Variants in FSCN1 observed in about 807,000 individuals in gnomAD.
FSCN1 encodes the protein fascin.
In FSCN1, 10 loss-of-function variants were observed where a neutral mutation model predicts 39.7. The observed-to-expected ratio is 0.25, with a 90% confidence interval of 0.16 to 0.43. The LOEUF (loss-of-function observed/expected upper bound fraction) is 0.43. Ranked by LOEUF, FSCN1 falls within the 20% of genes least tolerant of loss-of-function variation. FSCN1 has a pLI of 1.00. For synonymous variants in FSCN1, 322 were observed against 320.0 expected (o/e 1.01, Z -0.07); for missense variants, 525 against 723.8 (o/e 0.73, Z 3.15).
chr7:5,600,378 C>T (rs1313442599), intron 1 of FSCN1, among the ~76,000 whole-genome samples: 1 of 151,990 alleles, frequency 6.6e-6, no homozygotes, highest in Non-Finnish European at 1.5e-5. Context: ...CGTGCCATTG[C>T]ACTCCAGCCC....
At chr7:5,601,393 G>A (rs1282837115) in intron 1 of FSCN1, among the ~76,000 whole-genome samples, 8 of 150,164 alleles carry the variant, frequency 5.3e-5, no homozygotes, top group Admixed American at 4.0e-4. Flanking sequence ...AGTAGAGGCG[G>A]GGTTTCACCA....
At position 5,592,962 on chromosome 7, in the gene FSCN1, C is replaced by A; in HGVS notation, c.26C>A (p.Ala9Glu). The change falls in exon 1 of 5, where the codon GCG becomes GAG. Residue 9 changes from alanine to glutamate, a missense_variant. Ala to Glu is a moderately radical substitution (Grantham distance 107). Transcript: ENST00000382361. This position sits in a 1 kb window ranked among gnomAD's most constrained non-coding sequence, Gnocchi z 5.3. MTANGTAEAVQIQFGLINC... is the reference protein window; with the variant it reads MTANGTAEEVQIQFGLINC... ...ATGACCGCCAACGGCACAGCCGAGG[C>A]GGTGCAGATCCAGTTCGGCCTCATC... 2 of 1,570,470 alleles carry A rather than the reference C, an allele frequency of 1.3e-6. No homozygotes were observed. Among genetic ancestry groups the A allele is most frequent in the Non-Finnish European group, 1.7e-6 (2 of 1,157,600 alleles).
At position 5,602,577 on chromosome 7, in the gene FSCN1, G is replaced by A. The variant is rs1293918026; in HGVS notation, c.833-680G>A. ...TCCATCTGTGTTTCTAAAAAAACGAGGCCATTTTCTTATGTAACCACAACG... is the reference window on the plus strand; with the variant it reads ...TCCATCTGTGTTTCTAAAAAAACGAAGCCATTTTCTTATGTAACCACAACG... On this transcript the variant is annotated intron_variant, in intron 1 of 4. Coordinates refer to ENST00000382361, the MANE Select transcript of FSCN1 (RefSeq NM_003088.4). 5.1e-4 allele frequency among the ~76,000 whole-genome samples: 78 copies of A among 152,132 alleles called. 1 individual carries two copies. Among genetic ancestry groups the A allele is most frequent in the Non-Finnish European group, 1.5e-5 (1 of 68,034 alleles).
At chr7:5,600,810 T>G (rs563911659) in intron 1 of FSCN1, among the ~76,000 whole-genome samples, 4 of 150,272 alleles carry the variant, frequency 2.7e-5, no homozygotes, top group African/African-American at 9.9e-5. Context: ...CCCGCCACCG[T>G]GCCCGGCTAA....
At chr7:5,594,364 G>A (rs575300741) in intron 1 of FSCN1, among the ~76,000 whole-genome samples, 15 of 152,106 alleles carry the variant, frequency 9.9e-5, no homozygotes, top group East Asian at 3.9e-4. Context: ...CCGCTGGTGG[G>A]GGGGGGCGCG....
chr7:5,604,387 G>A (rs1045044449), intron 4 of FSCN1, among the ~76,000 whole-genome samples: 1 of 152,080 alleles, frequency 6.6e-6, no homozygotes, highest in African/African-American at 2.4e-5. Context: ...GTGTGCAGGG[G>A]AGGACGCGCC....
rs1584306417 is a variant in FSCN1 at position 5,606,102 on chromosome 7, ACAGGGTCTGCCCGCTG to A, written c.*631_*646del. 3 of 152,196 alleles carry A rather than the reference ACAGGGTCTGCCCGCTG, an allele frequency of 2.0e-5. No homozygotes were observed. The highest frequency in any genetic ancestry group is 1.3e-4 in the Admixed American group (2 of 15,290). 9.4% of individuals were successfully genotyped at this position (152,196 alleles called of 1,614,324 possible). On this transcript the variant is annotated 3_prime_UTR_variant, in exon 5 of 5. Coordinates refer to ENST00000382361, the MANE Select transcript of FSCN1 (RefSeq NM_003088.4). This position sits in a 1 kb window ranked among gnomAD's most constrained non-coding sequence, Gnocchi z 5.1. ...CCTGGAGCGGCAGGGCGTGACGGCC[ACAGGGTCTGCCCGCTG>A]CACGTTCTGCCAAGGTGGTGGTGGC...
rs563426795 is a variant in FSCN1, at chr7:5,593,920, G to A, written c.832+152G>A. The A allele has an allele frequency of 5.4e-5, 32 of 596,902 alleles. No homozygotes were observed. The African/African-American group carries it at 6.0e-4, about 11-fold the overall frequency. The allele number at this position is 596,902 out of a possible 1,614,324, so 37.0% of individuals were successfully genotyped here. A position where few individuals can be genotyped will look rare whatever the true frequency, so the allele number is the denominator to read the frequency against. ...CCCCGCTAGGCACGCGGGCTACCCC[G>A]CCTGGAGGGGGCGAGGAGTGGGGCT... On this transcript the variant is annotated intron_variant, in intron 1 of 4. Coordinates refer to ENST00000382361, the MANE Select transcript of FSCN1 (RefSeq NM_003088.4).
intron 1 of FSCN1, chr7:5,593,993 T>A (rs1276502343): frequency 3.7e-6 from 2 of 545,954 alleles, no homozygotes; most frequent in Non-Finnish European, 3.2e-6. Context: ...CGGGCTGGGA[T>A]CATGGGCTCC....
chr7:5,600,720 C>T (rs1785810931), intron 1 of FSCN1, among the ~76,000 whole-genome samples: 1 of 151,510 alleles, frequency 6.6e-6, no homozygotes, highest in Admixed American at 6.6e-5. Context: ...GTGGCGCGAT[C>T]TTGGCTCACT....
rs779907181 is a variant in FSCN1 at position 5,603,903 on chromosome 7, C to T, written c.1152C>T (p.Pro384=). Reference sequence around the variant, plus strand: ...TCCTCATGAAGCTCATCAACCGCCCCATCATCGTGTTCCGCGGGGAGCATG... The same window carrying T: ...TCCTCATGAAGCTCATCAACCGCCCTATCATCGTGTTCCGCGGGGAGCATG... ...ELFLMKLINR[P]IIVFRGEHGF... The change falls in exon 4 of 5, where the codon CCC becomes CCT. Residue 384 remains proline, a synonymous_variant. Coordinates refer to ENST00000382361, the MANE Select transcript of FSCN1 (RefSeq NM_003088.4). The surrounding 1 kb of genome is among the most constrained non-coding windows in gnomAD (Gnocchi z 8.5). 3.1e-6 allele frequency: 5 copies of T among 1,614,048 alleles called. No individual in the cohort carries two copies. The highest frequency in any genetic ancestry group is 2.2e-5 in the South Asian group (2 of 91,084).
Position 5,592,882 on chromosome 7 carries a change from G to T in FSCN1, c.-55G>T. Reference sequence around the variant, plus strand: ...ACAAAGGAGCAGGGGCGCCGCCGCAGGGACCCGCCACCCACCTCCCGGGGC... The same window carrying T: ...ACAAAGGAGCAGGGGCGCCGCCGCATGGACCCGCCACCCACCTCCCGGGGC... On this transcript the variant is annotated 5_prime_UTR_variant, in exon 1 of 5. In the 5' UTR this introduces an upstream ATG that the reference lacks. Coordinates refer to ENST00000382361, the MANE Select transcript of FSCN1 (RefSeq NM_003088.4). The surrounding 1 kb of genome is among the most constrained non-coding windows in gnomAD (Gnocchi z 5.3). The T allele has an allele frequency of 8.8e-7, 1 of 1,137,658 alleles. No individual in the cohort carries two copies. Among genetic ancestry groups the T allele is most frequent in the South Asian group, 1.6e-5 (1 of 61,390 alleles). The allele number at this position is 1,137,658 out of a possible 1,614,324, so 70.5% of individuals were successfully genotyped here.
intron 1 of FSCN1, among the ~76,000 whole-genome samples, chr7:5,600,786 A>T (rs1426453382): frequency 1.5e-4 from 22 of 149,640 alleles, no homozygotes; most frequent in East Asian, 1.2e-3. Context: ...CCCGAGTAGC[A>T]GGGACTACAG....
intron 1 of FSCN1, among the ~76,000 whole-genome samples, chr7:5,601,955 ATT>A (rs71701752): frequency 0.15 from 21,318 of 144,670 alleles, 1,498 homozygotes; most frequent in South Asian, 0.18. Flanking sequence ...TTAAAAAAAA[ATT>A]TTTTTTTTTT....
chr7:5,592,905 G>A lies in FSCN1; in HGVS notation c.-32G>A, dbSNP rs1381980599. 5.8e-6 allele frequency: 8 copies of A among 1,379,234 alleles called. No individual in the cohort carries two copies. Among genetic ancestry groups the A allele is most frequent in the Admixed American group, 5.7e-5 (2 of 35,292 alleles). The allele number at this position is 1,379,234 out of a possible 1,614,324, so 85.4% of individuals were successfully genotyped here. On this transcript the variant is annotated 5_prime_UTR_variant, in exon 1 of 5. Coordinates refer to ENST00000382361, the MANE Select transcript of FSCN1 (RefSeq NM_003088.4). This position sits in a 1 kb window ranked among gnomAD's most constrained non-coding sequence, Gnocchi z 5.3. ...CAGGGACCCGCCACCCACCTCCCGG[G>A]GCCGCGCAGCGGCCTCTCGTCTACT...
Position 5,603,483 on chromosome 7 carries a change from C to T in FSCN1, c.990-13C>T, listed in dbSNP as rs778403057. ...TGGGCTACCCCGCCTGACCCTGTCC[C>T]GCCATCCCCCAGGAATGCCAGCTGC... On this transcript the variant is annotated splice_polypyrimidine_tract_variant and intron_variant, in intron 2 of 4. Transcript: ENST00000382361. This position sits in a 1 kb window ranked among gnomAD's most constrained non-coding sequence, Gnocchi z 8.5. 51 of 1,613,972 alleles carry T rather than the reference C, an allele frequency of 3.2e-5. No homozygotes were observed. The highest frequency in any genetic ancestry group is 4.1e-5 in the Non-Finnish European group (48 of 1,180,018).
chr7:5,603,218 G>A lies in FSCN1; in HGVS notation c.833-39G>A, dbSNP rs763887424. 10 of 1,608,112 alleles carry A rather than the reference G, an allele frequency of 6.2e-6. No homozygotes were observed. The highest frequency in any genetic ancestry group is 5.5e-5 in the South Asian group (5 of 90,846). ...CTATGGTCTGCCAGAACTAGGGGGCGTGGGGCCCCAGTACCAGCCCAAGGC... is the reference window on the plus strand; with the variant it reads ...CTATGGTCTGCCAGAACTAGGGGGCATGGGGCCCCAGTACCAGCCCAAGGC... On this transcript the variant is annotated intron_variant, in intron 1 of 4. Transcript: ENST00000382361. This position sits in a 1 kb window ranked among gnomAD's most constrained non-coding sequence, Gnocchi z 8.5.
In FSCN1 at chr7:5,593,119, C is replaced by T. The variant is rs765311048; in HGVS notation, c.183C>T (p.Cys61=). 3 of 1,603,988 alleles carry T rather than the reference C, an allele frequency of 1.9e-6. No homozygotes were observed. Among genetic ancestry groups the T allele is most frequent in the South Asian group, 1.1e-5 (1 of 90,058 alleles). ...PPDEAGSAAV[C]LRSHLGRYLA... ...ACGAGGCGGGCAGCGCGGCCGTGTG[C>T]CTGCGCAGCCACCTGGGCCGCTACC... The change falls in exon 1 of 5, where the codon TGC becomes TGT. Residue 61 remains cysteine (C), a synonymous_variant. Coordinates refer to ENST00000382361, the MANE Select transcript of FSCN1 (RefSeq NM_003088.4).
intron 1 of FSCN1, 79 bp downstream of exon 1, chr7:5,593,847 C>CT: frequency 1.0e-6 from 1 of 998,230 alleles, no homozygotes. Context: ...GCCTCCCGCC[C>CT]TTTCTCGCTC....
Sources: allele counts gnomAD v4.1 joint callset (sites outside exome capture counted in the v4.1 genomes callset), GRCh38; gene constraint gnomAD v4.1.1; non-coding constraint Gnocchi (gnomAD v3.1); transcripts MANE v1.5; gene names NCBI Gene and HGNC (gene_info 2026-07-23, HGNC 2026-07-21).